The following TIMELESS variants were observed in gnomAD, a reference collection of about 807,000 sequenced individuals.
The protein encoded by TIMELESS is timeless circadian regulator, also known as protein timeless homolog.
A neutral mutation model predicts 164.3 loss-of-function variants in TIMELESS; 124 were observed. The ratio of observed to expected loss-of-function variants is 0.75; its 90% CI spans 0.65 to 0.88. The LOEUF is 0.88. Among genes scored for constraint, TIMELESS ranks in the 40% least tolerant of loss-of-function variants. The pLI is 0.00. For synonymous variants in TIMELESS, 564 were observed against 563.4 expected (o/e 1.00, Z -0.02); for missense variants, 1,422 against 1,491.4 (o/e 0.95, Z 0.77).
chr12:56,445,597 G>A (rs1244668484), intron 1 of TIMELESS, among the ~76,000 whole-genome samples: 1 of 151,670 alleles, frequency 6.6e-6, no homozygotes, highest in African/African-American at 2.4e-5. Flanking sequence ...AATTAGCTGG[G>A]TGTAGTGGTG....
chr12:56,428,718 C>A, intron 11 of TIMELESS, 66 bp from the exon 12 acceptor site: 2 of 1,503,382 alleles, frequency 1.3e-6, no homozygotes, highest in South Asian at 2.3e-5. Context: ...GAAACAGCAA[C>A]TTCCCACAGC....
chr12:56,436,752 T>C (rs927250636), intron 1 of TIMELESS, among the ~76,000 whole-genome samples: 2 of 152,200 alleles, frequency 1.3e-5, no homozygotes, highest in African/African-American at 4.8e-5. Context: ...TTCAGACGGA[T>C]GGAAATGTCA....
intron 1 of TIMELESS, among the ~76,000 whole-genome samples, chr12:56,440,724 C>T (rs1175011394): frequency 6.6e-6 from 1 of 152,150 alleles, no homozygotes; most frequent in African/African-American, 2.4e-5. Flanking sequence ...GTCTTCAGAC[C>T]ACTGCCAATC....
At chr12:56,428,485 GA>G in intron 12 of TIMELESS, 63 bp downstream of exon 12, 1 of 1,608,468 alleles carries the variant, frequency 6.2e-7, no homozygotes, top group East Asian at 2.2e-5. Context: ...CTGGGACTGG[GA>G]AGAATGAGAT....
Position 56,417,405 on chromosome 12 carries a change from C to A in TIMELESS, c.*311G>T, listed in dbSNP as rs981627513. On this transcript the variant is annotated 3_prime_UTR_variant, in exon 29 of 29. Coordinates refer to ENST00000553532, the MANE Select transcript of TIMELESS (RefSeq NM_003920.5). The stretch of plus-strand genomic sequence containing the variant: ...CAATAAAAGGGGTCCGGGGTGCTTT[C>A]TCTATTTCACTCACTCCTCTTATTT... The A allele has an allele frequency of 3.4e-6, 1 of 295,650 alleles. No homozygotes were observed. Among genetic ancestry groups the A allele is most frequent in the African/African-American group, 2.1e-5 (1 of 46,712 alleles). The allele number at this position is 295,650 out of a possible 1,614,324, so 18.3% of individuals were successfully genotyped here. A position where few individuals can be genotyped will look rare whatever the true frequency, so the allele number is the denominator to read the frequency against.
At chr12:56,426,626 C>T (rs1350204398) in intron 13 of TIMELESS, among the ~76,000 whole-genome samples, 1 of 152,102 alleles carries the variant, frequency 6.6e-6, no homozygotes, top group African/African-American at 2.4e-5. Flanking sequence ...ATGGCATGAT[C>T]TTGGCTCACT....
chr12:56,443,668 C>T (rs552602248), intron 1 of TIMELESS, among the ~76,000 whole-genome samples: 10 of 152,282 alleles, frequency 6.6e-5, no homozygotes, highest in South Asian at 2.1e-4. Flanking sequence ...GCTGGTTTTG[C>T]GGCTCAAGTC....
Position 56,431,507 on chromosome 12 carries a change from G to A in TIMELESS, c.785C>T (p.Ala262Val). ...CTGGAGGGCTCGAGTCTTCTTTTCTGCCATCTCTCGCTGGCGCAACACCTC... is the reference window on the plus strand; with the variant it reads ...CTGGAGGGCTCGAGTCTTCTTTTCTACCATCTCTCGCTGGCGCAACACCTC... ...ELEVLRQREMAEKKTRALQRG... is the reference protein window; with the variant it reads ...ELEVLRQREMVEKKTRALQRG... Residue 262 changes from alanine (A) to valine (V), a missense_variant, in exon 8 of 29, where the codon GCA becomes GTA. Coordinates refer to ENST00000553532, the MANE Select transcript of TIMELESS (RefSeq NM_003920.5). 1.9e-6 allele frequency: 3 copies of A among 1,612,944 alleles called. No individual in the cohort carries two copies. The highest frequency in any genetic ancestry group is 2.5e-6 in the Non-Finnish European group (3 of 1,179,720).
intron 1 of TIMELESS, among the ~76,000 whole-genome samples, chr12:56,446,814 A>AC (rs1868358252): frequency 6.8e-6 from 1 of 147,616 alleles, no homozygotes; most frequent in South Asian, 2.1e-4. Context: ...CCATCTCAAA[A>AC]AAAAAAAAAA....
At position 56,419,459 on chromosome 12, in the gene TIMELESS, A is replaced by AGTGTGTGTGTGTGTGT. The variant is rs10664617; in HGVS notation, c.3228+1094_3229-1101dup. ...AGAGGTCCATCAGTAAGACAGATGG[A>AGTGTGTGTGTGTGTGT]GTGTGTGTGTGTGTGTGTGTGTGTG... On this transcript the variant is annotated intron_variant, in intron 26 of 28. Transcript: ENST00000553532. Among the ~76,000 whole-genome samples, 76 of 148,050 alleles carry AGTGTGTGTGTGTGTGT rather than the reference A, an allele frequency of 5.1e-4. 1 individual carries two copies. The highest frequency in any genetic ancestry group is 4.6e-3 in the East Asian group (23 of 4,978).
chr12:56,428,883 C>T lies in TIMELESS; in HGVS notation c.1304G>A (p.Arg435Gln), dbSNP rs543802364. 31 of 1,613,278 alleles carry T rather than the reference C, an allele frequency of 1.9e-5. No individual in the cohort carries two copies. The highest frequency in any genetic ancestry group is 1.1e-4 in the African/African-American group (8 of 75,014). Residue 435 changes from arginine to glutamine, a missense_variant and splice_region_variant, in exon 11 of 29, where the codon CGG becomes CAG. Physicochemically the swap from Arg to Gln is conservative, Grantham distance 43. Coordinates refer to ENST00000553532, the MANE Select transcript of TIMELESS (RefSeq NM_003920.5). ...TATCTCCAGTAACCATCCCACTCAC[C>T]GGCGTGCCCAGGAGGCAGCTTCCTT... ...DRKEAASWAR[R>Q]MHLALKAYQE...
At chr12:56,447,992 G>C (rs1317947139) in intron 1 of TIMELESS, among the ~76,000 whole-genome samples, 1 of 152,134 alleles carries the variant, frequency 6.6e-6, no homozygotes, top group Non-Finnish European at 1.5e-5. Context: ...AAATGAGATT[G>C]AGAGGGTCAG....
chr12:56,440,947 A>G (rs1233544015), intron 1 of TIMELESS, among the ~76,000 whole-genome samples: 1 of 151,882 alleles, frequency 6.6e-6, no homozygotes, highest in East Asian at 1.9e-4. Context: ...CCTCCCAAGT[A>G]GCTGGGATTA....
At chr12:56,419,842 CA>C (rs1252129024) in intron 26 of TIMELESS, among the ~76,000 whole-genome samples, 1 of 149,878 alleles carries the variant, frequency 6.7e-6, no homozygotes, top group Non-Finnish European at 1.5e-5. Flanking sequence ...CCCATCTCTA[CA>C]AAAAATACAA....
chr12:56,425,775 C>T (rs369638812), intron 13 of TIMELESS, among the ~76,000 whole-genome samples: 3 of 151,508 alleles, frequency 2.0e-5, no homozygotes, highest in Admixed American at 6.6e-5. Context: ...CTTGGGAGGC[C>T]GAGGCAGAAG....
At chr12:56,434,898 C>G (rs186851924) in intron 1 of TIMELESS, among the ~76,000 whole-genome samples, 1 of 152,108 alleles carries the variant, frequency 6.6e-6, no homozygotes, top group Admixed American at 6.5e-5. Context: ...AAAAGCCAAC[C>G]GTTGTGGCAC....
chr12:56,442,078 C>T lies in TIMELESS; in HGVS notation c.-62+7232G>A, dbSNP rs1391518527. On this transcript the variant is annotated intron_variant, in intron 1 of 28. Transcript: ENST00000553532. Reference sequence around the variant, plus strand: ...CAGCCTGGGCGACAGAGTGAGACTCCGTCTCAAAAAAAAAAAAAAAAAAAG... The same window carrying T: ...CAGCCTGGGCGACAGAGTGAGACTCTGTCTCAAAAAAAAAAAAAAAAAAAG... Among the ~76,000 whole-genome samples, 19 of 61,710 alleles carry T rather than the reference C, an allele frequency of 3.1e-4. No individual in the cohort carries two copies. In the Admixed American group the frequency reaches 3.9e-3, roughly 13 times the overall value. 40.5% of individuals were successfully genotyped at this position (61,710 alleles called of 152,430 possible). A position where few individuals can be genotyped will look rare whatever the true frequency, so the allele number is the denominator to read the frequency against.
intron 21 of TIMELESS, 43 bp downstream of exon 21, chr12:56,421,856 C>A (rs200641771): frequency 6.2e-7 from 1 of 1,613,306 alleles, no homozygotes; most frequent in Non-Finnish European, 8.5e-7. Flanking sequence ...GAAGTGATCA[C>A]GAGTCCCCAT....
intron 13 of TIMELESS, among the ~76,000 whole-genome samples, chr12:56,426,518 C>T (rs549460656): frequency 1.3e-4 from 20 of 151,752 alleles, no homozygotes; most frequent in African/African-American, 4.8e-4. Flanking sequence ...TCCCAAGTAC[C>T]TGGGATTACA....
Sources: allele counts gnomAD v4.1 joint callset (sites outside exome capture counted in the v4.1 genomes callset), GRCh38; gene constraint gnomAD v4.1.1; transcripts MANE v1.5; gene names NCBI Gene and HGNC (gene_info 2026-07-23, HGNC 2026-07-21).